Variants in MEGF6 observed in about 807,000 individuals in gnomAD.
MEGF6 encodes the protein multiple EGF like domains 6, also known as multiple epidermal growth factor-like domains protein 6.
MEGF6 carries 184 observed loss-of-function variants against 207.1 expected under a neutral mutation model. The ratio of observed to expected loss-of-function variants is 0.89; its 90% CI spans 0.79 to 1.00. The LOEUF (loss-of-function observed/expected upper bound fraction) is 1.00. MEGF6 is among the 50% of genes least tolerant of loss of function. The pLI, the probability that MEGF6 is intolerant of heterozygous loss-of-function variation, is 0.00. For missense variants in MEGF6, 2,282 were observed against 2,202.9 expected, an observed-to-expected ratio of 1.04 and a Z score of -0.72; for synonymous variants, 1,038 against 910.0, an observed-to-expected ratio of 1.14 and a Z score of -2.53.
At chr1:3,499,945 C>T (rs1471419562) in intron 21 of MEGF6, 21 bp from the exon 22 acceptor site, 3 of 1,540,536 alleles carry the variant, frequency 1.9e-6, no homozygotes, top group Non-Finnish European at 2.6e-6. Context: ...CAGCCCCGGC[C>T]CACAGTCAGC....
intron 34 of MEGF6, chr1:3,493,093 C>T: frequency 2.7e-6 from 1 of 373,556 alleles, no homozygotes. Context: ...CCCCTCAGGG[C>T]ACAACAGGCC....
chr1:3,501,286 C>A lies in MEGF6; in HGVS notation c.2337G>T (p.Gly779=), dbSNP rs780535058. 4.4e-6 allele frequency: 7 copies of A among 1,601,928 alleles called. No homozygotes were observed. Among genetic ancestry groups the A allele is most frequent in the Admixed American group, 1.7e-5 (1 of 58,780 alleles). The change falls in exon 19 of 37, where the codon GGG becomes GGT. Residue 779 remains glycine, a synonymous_variant. Transcript: ENST00000356575. ...CEADCPEGRW[G]LGCQEICPAC... is the part of the protein sequence containing the mutation. ...CTGGGCAGATCTCCTGGCAGCCCAG[C>A]CCCCAGCGGCCCTCGGGACAATCTA...
chr1:3,579,075 G>A (rs1269494128), intron 4 of MEGF6, among the ~76,000 whole-genome samples: 1 of 152,370 alleles, frequency 6.6e-6, no homozygotes, highest in South Asian at 2.1e-4. Flanking sequence ...CAGTCCCAAA[G>A]CCCCAGGGCC....
At chr1:3,492,285 C>T (rs901097999) in intron 35 of MEGF6, among the ~76,000 whole-genome samples, 3 of 152,156 alleles carry the variant, frequency 2.0e-5, no homozygotes, top group African/African-American at 7.2e-5. Flanking sequence ...CGTCCATCCA[C>T]ACTGTGGATG....
rs1357027438 is a variant in MEGF6, at chr1:3,524,265, G to T, written c.482-19C>A. ...TCCACATCTGAGCAGGAATGGGGAA[G>T]GATCAGCAGCTGGGCACCTGTGCCC... On this transcript the variant is annotated intron_variant, in intron 4 of 36. Transcript: ENST00000356575. 6.2e-7 allele frequency: 1 copy of T among 1,600,866 alleles called. No homozygotes were observed.
At chr1:3,554,683 C>T (rs1642983616) in intron 4 of MEGF6, among the ~76,000 whole-genome samples, 1 of 152,216 alleles carries the variant, frequency 6.6e-6, no homozygotes, top group Admixed American at 6.5e-5. Context: ...TAGCCTCTGT[C>T]TCTGAGGTCC....
rs1336898915 is a variant in MEGF6, at chr1:3,508,652, C to T, written c.1566G>A (p.Leu522=). ...CTCCGTTCCTGCAGTCATCACAGGT[C>T]AAGCTGCAGTCATGGCCAAAGGAGT... ...LDDSFGHDCS[L]TCDDCRNGGT... Residue 522 remains leucine (L), a synonymous_variant, in exon 13 of 37, where the codon TTG becomes TTA. Transcript: ENST00000356575. 2 of 1,613,390 alleles carry T rather than the reference C, an allele frequency of 1.2e-6. No homozygotes were observed. Among genetic ancestry groups the T allele is most frequent in the Non-Finnish European group, 1.7e-6 (2 of 1,179,978 alleles).
chr1:3,502,378 G>A (rs556016322), intron 17 of MEGF6, among the ~76,000 whole-genome samples: 2 of 152,306 alleles, frequency 1.3e-5, no homozygotes, highest in African/African-American at 4.8e-5. Flanking sequence ...GGTCAGGCCA[G>A]TGTGTCCCCA....
intron 22 of MEGF6, 37 bp from the exon 23 acceptor site, chr1:3,499,753 C>T (rs761759157): frequency 6.3e-7 from 1 of 1,592,146 alleles, no homozygotes; most frequent in South Asian, 1.1e-5. Flanking sequence ...GGGGCCCACA[C>T]TGGAGGCCAC....
intron 17 of MEGF6, among the ~76,000 whole-genome samples, chr1:3,502,337 C>CCGCCA (rs1640939135): frequency 6.6e-6 from 1 of 152,126 alleles, no homozygotes; most frequent in Non-Finnish European, 1.5e-5. Context: ...TGCTCTTCCT[C>CCGCCA]CGCCACCGTA....
Position 3,611,200 on chromosome 1 carries a change from G to GAGCAGC in MEGF6, c.63_68dup (p.Leu22_Leu23dup), listed in dbSNP as rs752184096. The GAGCAGC allele has an allele frequency of 6.4e-7, 1 of 1,557,618 alleles. No homozygotes were observed. The highest frequency in any genetic ancestry group is 1.1e-5 in the South Asian group (1 of 87,166). ...CGCTGGCGCCCACGGGCACGGCGGG[G>GAGCAGC]AGCAGCAGCAGCACCAACGCCAGGA... On this transcript the variant is annotated inframe_insertion, in exon 1 of 37. Transcript: ENST00000356575.
chr1:3,601,547 G>A (rs2101877532), intron 2 of MEGF6, among the ~76,000 whole-genome samples: 2 of 152,284 alleles, frequency 1.3e-5, no homozygotes, highest in Middle Eastern at 6.8e-3. Flanking sequence ...CGTCTGTTCG[G>A]GGGGTCGTCC....
chr1:3,529,285 C>A (rs1353309231), intron 4 of MEGF6, among the ~76,000 whole-genome samples: 2 of 152,178 alleles, frequency 1.3e-5, no homozygotes, highest in Non-Finnish European at 2.9e-5. Context: ...GGGGCCCCAG[C>A]AAAGGCCGAA....
chr1:3,513,577 CTTTTTTTTTTTTTT>C (rs757815891), intron 7 of MEGF6, among the ~76,000 whole-genome samples: 1 of 56,566 alleles, frequency 1.8e-5, no homozygotes, highest in Non-Finnish European at 3.3e-5. Flanking sequence ...CACACCTGGG[CTTTTTTTTTTTTTT>C]TTTTTTTTTT....
intron 15 of MEGF6, among the ~76,000 whole-genome samples, chr1:3,505,845 G>A (rs959806695): frequency 6.6e-6 from 1 of 152,220 alleles, no homozygotes; most frequent in African/African-American, 2.4e-5. Context: ...GCCCTCATCT[G>A]CAGCCCTACC....
intron 4 of MEGF6, among the ~76,000 whole-genome samples, chr1:3,524,575 C>G (rs979720502): frequency 1.3e-5 from 2 of 152,226 alleles, no homozygotes; most frequent in Non-Finnish European, 2.9e-5. Flanking sequence ...AAGTCCAAAT[C>G]TACAAAGTGC....
chr1:3,504,473 C>T (rs1293881702), intron 17 of MEGF6, among the ~76,000 whole-genome samples: 1 of 151,964 alleles, frequency 6.6e-6, no homozygotes, highest in African/African-American at 2.4e-5. Context: ...GACCACACAC[C>T]GTTGTCCTGG....
At chr1:3,500,503 G>A (rs1640809897) in intron 21 of MEGF6, 130 bp downstream of exon 21, 4 of 1,334,294 alleles carry the variant, frequency 3.0e-6, no homozygotes, top group Admixed American at 2.8e-5. Context: ...AGGAGGGGGC[G>A]CGGCCAAAGG....
the MEGF6 span, among the ~76,000 whole-genome samples, chr1:3,620,049 T>C: frequency 7.5e-6 from 1 of 132,924 alleles, no homozygotes; most frequent in Non-Finnish European, 1.8e-5. Flanking sequence ...GTAAAGAGAC[T>C]AGGAGCATTT....
Sources: gnomAD v4.1 joint callset for allele counts (sites outside exome capture counted in the v4.1 genomes callset) on GRCh38, gnomAD v4.1.1 for gene constraint, MANE v1.5 for transcripts, NCBI Gene and HGNC (gene_info 2026-07-23, HGNC 2026-07-21) for gene names.